Variants in COL6A5 observed in about 807,000 individuals in gnomAD.
The protein encoded by COL6A5 is collagen alpha-5(VI) chain.
A neutral mutation model predicts 65.6 loss-of-function variants in COL6A5; 48 were observed. The ratio of observed to expected loss-of-function variants is 0.73; its 90% CI spans 0.58 to 0.93. The LOEUF (loss-of-function observed/expected upper bound fraction) is 0.93, where lower values mean the gene tolerates loss of function less well. Ranked by LOEUF, COL6A5 falls within the 40% of genes least tolerant of loss-of-function variation. The pLI is 0.00. For synonymous variants in COL6A5, 291 were observed against 322.8 expected, an observed-to-expected ratio of 0.90 and a Z score of 1.05; for missense variants, 914 against 928.3, an observed-to-expected ratio of 0.98 and a Z score of 0.20.
At chr3:130,395,495 T>C in intron 8 of COL6A5, 30 bp downstream of exon 8, 6 of 1,477,798 alleles carry the variant, frequency 4.1e-6, no homozygotes, top group South Asian at 1.3e-5. Context: ...TTTTCTTCCA[T>C]GGAAACTTCT....
chr3:130,385,339 C>G (rs116281207), exon 5 of COL6A5: 1 of 1,549,886 alleles, frequency 6.5e-7, no homozygotes, highest in Non-Finnish European at 8.7e-7. Flanking sequence ...AAAATGAAGT[C>G]GTTCGTGAAA....
At chr3:130,463,584 C>G (rs1709748934) in intron 5 of COL6A5, among the ~76,000 whole-genome samples, 1 of 152,072 alleles carries the variant, frequency 6.6e-6, no homozygotes, top group African/African-American at 2.4e-5. Flanking sequence ...TGCTGAATCC[C>G]TAATTCCTTC....
chr3:130,483,285 AGAC>A (rs1262992312), intron 7 of COL6A5, among the ~76,000 whole-genome samples: 6 of 152,330 alleles, frequency 3.9e-5, no homozygotes, highest in African/African-American at 1.2e-4. Flanking sequence ...CAAATTGTAA[AGAC>A]CATCGACACT....
chr3:130,397,545 C>G (rs1936643579), intron 8 of COL6A5, 38 bp from the exon 9 acceptor site: 1 of 1,473,908 alleles, frequency 6.8e-7, no homozygotes. Flanking sequence ...TTACTCCTGT[C>G]TACTCGTTAA....
chr3:130,388,862 G>T (rs778642530), exon 6 of COL6A5: 10 of 1,551,114 alleles, frequency 6.4e-6, no homozygotes, highest in Non-Finnish European at 8.7e-6. Flanking sequence ...AATTTTGTAG[G>T]TCAATACTTC....
intron 5 of COL6A5, among the ~76,000 whole-genome samples, chr3:130,467,646 A>G (rs1321816121): frequency 2.6e-5 from 4 of 152,084 alleles, no homozygotes; most frequent in Non-Finnish European, 2.9e-5. Context: ...TCATTTAACC[A>G]TCAAAAATTA....
chr3:130,401,751 T>C lies in COL6A5; in HGVS notation c.4135-11T>C, dbSNP rs1196529942. 1.3e-6 allele frequency: 2 copies of C among 1,545,826 alleles called. No individual in the cohort carries two copies. The highest frequency in any genetic ancestry group is 2.4e-5 in the East Asian group (1 of 40,900). On this transcript the variant is annotated splice_polypyrimidine_tract_variant and intron_variant and NMD_transcript_variant, in intron 11 of 41. Transcript: ENST00000312481. ...ATTGCTATTCCCTCAGCTTTACTTT[T>C]TTTCCCCCAGGGAAATATTGCAGAG...
At chr3:130,478,018 G>A (rs1247048256) in intron 7 of COL6A5, among the ~76,000 whole-genome samples, 1 of 152,012 alleles carries the variant, frequency 6.6e-6, no homozygotes, top group Non-Finnish European at 1.5e-5. Context: ...GTTAATCCTG[G>A]AGCCAGCTGT....
At chr3:130,444,141 G>A (rs1709252621) in intron 4 of COL6A5, among the ~76,000 whole-genome samples, 1 of 152,188 alleles carries the variant, frequency 6.6e-6, no homozygotes, top group Non-Finnish European at 1.5e-5. Flanking sequence ...CTCACCAGCA[G>A]TCAGAATTTA....
chr3:130,449,413 A>G (rs1026668020), intron 4 of COL6A5, among the ~76,000 whole-genome samples: 3 of 152,020 alleles, frequency 2.0e-5, no homozygotes, highest in Admixed American at 6.6e-5. Context: ...GTAAATCTCT[A>G]CCCCAAAGAT....
chr3:130,357,808 TAAG>T (rs960534953), intron 1 of COL6A5, among the ~76,000 whole-genome samples: 7 of 152,084 alleles, frequency 4.6e-5, no homozygotes, highest in African/African-American at 1.2e-4. Flanking sequence ...TAGGTTAAAA[TAAG>T]AAGAAATATT....
chr3:130,434,650 C>G (rs1471243137), intron 1 of COL6A5, among the ~76,000 whole-genome samples: 2 of 152,144 alleles, frequency 1.3e-5, no homozygotes, highest in Non-Finnish European at 2.9e-5. Context: ...GAGATGGTAT[C>G]TCATTGTGGT....
rs764492335 is a variant in COL6A5 at position 130,469,009 on chromosome 3, G to T, written c.1761G>T (p.Arg587Ser). ...CACTGACCTCCACCTTAGGAGACAG[G>T]GTTGCTGTCCTGAGCTACTCTCCTC... is the stretch of plus-strand genomic sequence containing the variant. The change falls in exon 6 of 8, where the codon AGG becomes AGT. Residue 587 changes from arginine (R) to serine (S), a missense_variant. Transcript: ENST00000512836. 3 of 1,612,802 alleles carry T rather than the reference G, an allele frequency of 1.9e-6. No individual in the cohort carries two copies. In the South Asian group the frequency reaches 3.3e-5, roughly 18 times the overall value.
rs769945733 is a variant in COL6A5 at position 130,414,139 on chromosome 3, G to A, written c.4761+8G>A. On this transcript the variant is annotated splice_region_variant and intron_variant and NMD_transcript_variant, in intron 22 of 41. Coordinates refer to the COL6A5 transcript ENST00000312481. Reference sequence around the variant, plus strand: ...GGATTACAAGGCCCACAGGTGTGTTGGAATATTTTGTAAATATTGATAAAT... The same window carrying A: ...GGATTACAAGGCCCACAGGTGTGTTAGAATATTTTGTAAATATTGATAAAT... 3 of 1,543,108 alleles carry A rather than the reference G, an allele frequency of 1.9e-6. No individual in the cohort carries two copies. The highest frequency in any genetic ancestry group is 2.4e-5 in the South Asian group (2 of 83,826).
chr3:130,404,095 GGC>G (rs1936906958), intron 13 of COL6A5, among the ~76,000 whole-genome samples: 1 of 152,158 alleles, frequency 6.6e-6, no homozygotes, highest in African/African-American at 2.4e-5. Context: ...CATGGCTTTG[GGC>G]CAAGGCTGGA....
chr3:130,422,900 C>T, intron 28 of COL6A5, 118 bp downstream of exon 28: 2 of 570,862 alleles, frequency 3.5e-6, no homozygotes, highest in South Asian at 2.8e-5. Context: ...ATGCCACTTG[C>T]TAGCTGTGAC....
At chr3:130,391,896 A>G (rs1936416804) in intron 7 of COL6A5, 142 bp downstream of exon 7, 17 of 695,712 alleles carry the variant, frequency 2.4e-5, no homozygotes, top group Non-Finnish European at 3.8e-5. Flanking sequence ...TCTCATCTCT[A>G]AAAGAAATGG....
intron 1 of COL6A5, among the ~76,000 whole-genome samples, chr3:130,370,855 G>A (rs1392613116): frequency 6.6e-6 from 1 of 152,128 alleles, no homozygotes; most frequent in Non-Finnish European, 1.5e-5. Context: ...GCCAAGACAT[G>A]CAAAGTGGGA....
chr3:130,431,808 G>A (rs1937826060), exon 1 of COL6A5: 14 of 1,551,520 alleles, frequency 9.0e-6, no homozygotes, highest in Non-Finnish European at 1.2e-5. Flanking sequence ...GAGCCAACGT[G>A]AGGAGAGTTG....
Sources: gnomAD v4.1 joint callset for allele counts (sites outside exome capture counted in the v4.1 genomes callset) on GRCh38, gnomAD v4.1.1 for gene constraint, MANE v1.5 for transcripts, NCBI Gene and HGNC (gene_info 2026-07-23, HGNC 2026-07-21) for gene names.